The following PDZRN3 variants were observed in gnomAD, a reference collection of about 807,000 sequenced individuals.
PDZRN3 encodes E3 ubiquitin-protein ligase PDZRN3.
PDZRN3 carries 38 observed loss-of-function variants against 85.7 expected under a neutral mutation model. That is an observed-to-expected ratio of 0.44 (90% CI 0.34 to 0.58). The LOEUF is 0.58. Among genes scored for constraint, PDZRN3 ranks in the 20% least tolerant of loss-of-function variants. The pLI is 0.01. For missense variants in PDZRN3, 1,629 were observed against 1,506.4 expected (o/e 1.08, Z -1.35); for synonymous variants, 759 against 638.0 (o/e 1.19, Z -2.86).
intron 3 of PDZRN3, among the ~76,000 whole-genome samples, chr3:73,489,575 C>CTTTTCTTTTTTTTT (rs576536883): frequency 1.2e-5 from 1 of 80,096 alleles, no homozygotes; most frequent in Non-Finnish European, 2.3e-5. Context: ...AGTTTCTTTT[C>CTTTTCTTTTTTTTT]TTTTTTTTTT....
chr3:73,478,215 C>T (rs1312978358), intron 3 of PDZRN3, among the ~76,000 whole-genome samples: 1 of 152,160 alleles, frequency 6.6e-6, no homozygotes, highest in African/African-American at 2.4e-5. Flanking sequence ...CTGTTAGTAA[C>T]TGGGCCTCAC....
At chr3:73,405,642 T>A (rs139036792) in intron 3 of PDZRN3, among the ~76,000 whole-genome samples, 1 of 152,362 alleles carries the variant, frequency 6.6e-6, no homozygotes, top group East Asian at 1.9e-4. Flanking sequence ...TCACTCCTCA[T>A]AGCAATTCCT....
chr3:73,563,013 A>ATATATTTTTT (rs1187151191), intron 3 of PDZRN3, among the ~76,000 whole-genome samples: 3 of 43,780 alleles, frequency 6.9e-5, no homozygotes, highest in African/African-American at 1.0e-4. Flanking sequence ...ATATATATAT[A>ATATATTTTTT]TTTTTTTTTT....
chr3:73,616,204 A>G (rs1047057163), intron 1 of PDZRN3, among the ~76,000 whole-genome samples: 2 of 152,196 alleles, frequency 1.3e-5, no homozygotes, highest in African/African-American at 4.8e-5. Context: ...TCAGAAACTG[A>G]GCAGACGCCG....
At chr3:73,503,766 C>CT (rs1704023208) in intron 3 of PDZRN3, among the ~76,000 whole-genome samples, 1 of 152,278 alleles carries the variant, frequency 6.6e-6, no homozygotes, top group East Asian at 1.9e-4. Context: ...AAGCTTTGAA[C>CT]TTTTTTGGGG....
intron 3 of PDZRN3, among the ~76,000 whole-genome samples, chr3:73,430,312 A>G (rs1046866745): frequency 4.6e-5 from 7 of 152,230 alleles, no homozygotes; most frequent in African/African-American, 7.2e-5. Flanking sequence ...GTGACTATAG[A>G]TAAGTTTTCC....
intron 2 of PDZRN3, among the ~76,000 whole-genome samples, chr3:73,605,202 C>G (rs113710542): frequency 2.1e-5 from 3 of 141,402 alleles, no homozygotes; most frequent in African/African-American, 9.0e-5. Flanking sequence ...GTGAGACCCC[C>G]GTCTCAAAAA....
intron 1 of PDZRN3, among the ~76,000 whole-genome samples, chr3:73,611,978 C>G (rs1189823453): frequency 1.3e-5 from 2 of 152,144 alleles, no homozygotes; most frequent in Non-Finnish European, 2.9e-5. Context: ...AGGCTCTTAT[C>G]GAAGCTGCTT....
intron 3 of PDZRN3, among the ~76,000 whole-genome samples, chr3:73,460,238 C>T (rs1419342934): frequency 1.3e-5 from 2 of 152,142 alleles, no homozygotes; most frequent in Admixed American, 1.3e-4. Flanking sequence ...GCGAAAGAAT[C>T]CTGTCACTGA....
At chr3:73,474,650 G>A (rs1703413933) in intron 3 of PDZRN3, 1 of 1,173,518 alleles carries the variant, frequency 8.5e-7, no homozygotes, top group East Asian at 6.0e-5. Context: ...TGGCAAGGGT[G>A]TACACTTTTA....
At chr3:73,574,458 G>GGA (rs1407608681) in intron 3 of PDZRN3, among the ~76,000 whole-genome samples, 2 of 13,540 alleles carry the variant, frequency 1.5e-4, no homozygotes, top group Admixed American at 6.7e-4. Context: ...TGGCTGGGGT[G>GGA]GGGGGGGTGG....
At chr3:73,390,224 G>A (rs895928970) in intron 6 of PDZRN3, among the ~76,000 whole-genome samples, 3 of 152,098 alleles carry the variant, frequency 2.0e-5, no homozygotes, top group Admixed American at 6.5e-5. Context: ...TTCATTATGT[G>A]GACTAGCAAC....
intron 3 of PDZRN3, among the ~76,000 whole-genome samples, chr3:73,576,715 C>T (rs1006187717): frequency 2.6e-5 from 4 of 152,150 alleles, no homozygotes; most frequent in African/African-American, 9.7e-5. Context: ...TGCCTAAATA[C>T]ACTTGTTGAT....
chr3:73,597,697 T>C lies in PDZRN3; in HGVS notation c.918+4657A>G, dbSNP rs573205665. On this transcript the variant is annotated intron_variant, in intron 3 of 9. Coordinates refer to ENST00000263666, the MANE Select transcript of PDZRN3 (RefSeq NM_015009.3). Reference sequence around the variant, plus strand: ...ACAAGTCTTTGAGAAAGAATTTCAGTGGAGTTGCATCAGAGGAGTGTTTAA... The same window carrying C: ...ACAAGTCTTTGAGAAAGAATTTCAGCGGAGTTGCATCAGAGGAGTGTTTAA... 3.4e-5 allele frequency among the ~76,000 whole-genome samples: 5 copies of C among 147,226 alleles called. No individual in the cohort carries two copies. The South Asian group carries it at 1.1e-3, about 32-fold the overall frequency.
intron 3 of PDZRN3, among the ~76,000 whole-genome samples, chr3:73,487,885 A>G (rs4676927): frequency 0.67 from 102,097 of 152,116 alleles, 34,397 homozygotes; most frequent in East Asian, 0.85. Flanking sequence ...AACAGGGCAA[A>G]GACTCCCAGA....
intron 3 of PDZRN3, among the ~76,000 whole-genome samples, chr3:73,406,967 A>G (rs937234411): frequency 6.6e-6 from 1 of 152,290 alleles, no homozygotes; most frequent in African/African-American, 2.4e-5. Context: ...CCTCACCCCA[A>G]TGCTCCCTCT....
Position 73,384,420 on chromosome 3 carries a change from G to T in PDZRN3, c.2146C>A (p.Arg716Ser), listed in dbSNP as rs375610223. 6.2e-7 allele frequency: 1 copy of T among 1,610,698 alleles called. No homozygotes were observed. The highest frequency in any genetic ancestry group is 1.7e-5 in the Admixed American group (1 of 60,024). The part of the protein sequence containing the change: ...HKMQQLKEQY[R>S]ESWMLHNSGF... The stretch of plus-strand genomic sequence containing the variant: ...CTGTTGTGCAGCATCCAGGACTCGC[G>T]GTACTGCTCCTTGAGCTGCTGCATC... The change falls in exon 10 of 10, where the codon CGC becomes AGC. Residue 716 changes from arginine to serine, a missense_variant. By Grantham distance (110) the Arg-to-Ser change is moderately radical. Coordinates refer to ENST00000263666, the MANE Select transcript of PDZRN3 (RefSeq NM_015009.3).
Position 73,385,786 on chromosome 3 carries a change from C to A in PDZRN3, c.1519-1G>T. ...CATCATCCATCCAGCCCTCATCCAG[C>A]TGCAGGCAAGAGCAGCCAACACATG... is the stretch of plus-strand genomic sequence containing the variant. On this transcript the variant is annotated splice_acceptor_variant, in intron 8 of 9. Coordinates refer to ENST00000263666, the MANE Select transcript of PDZRN3 (RefSeq NM_015009.3). LOFTEE classifies it high-confidence loss of function. The A allele has an allele frequency of 2.5e-6, 4 of 1,590,740 alleles. No individual in the cohort carries two copies. Among genetic ancestry groups the A allele is most frequent in the Non-Finnish European group, 3.5e-6 (4 of 1,158,928 alleles).
At chr3:73,593,673 C>G (rs1263544140) in intron 3 of PDZRN3, among the ~76,000 whole-genome samples, 1 of 149,042 alleles carries the variant, frequency 6.7e-6, no homozygotes, top group Non-Finnish European at 1.5e-5. Flanking sequence ...TTTAAATTAC[C>G]AAGTTTTTAA....
Sources: gnomAD v4.1 joint callset for allele counts (sites outside exome capture counted in the v4.1 genomes callset) on GRCh38, gnomAD v4.1.1 for gene constraint, MANE v1.5 for transcripts, NCBI Gene and HGNC (gene_info 2026-07-23, HGNC 2026-07-21) for gene names.